ARL10: variants seen among roughly 807,000 people sequenced by gnomAD.
ARL10 encodes the protein ARF like GTPase 10, also known as ADP-ribosylation factor-like protein 10.
A neutral mutation model predicts 26.1 loss-of-function variants in ARL10; 23 were observed. The ratio of observed to expected loss-of-function variants is 0.88; its 90% CI spans 0.63 to 1.25. The LOEUF is 1.25. Ranked by LOEUF, ARL10 falls within the 50% of genes most tolerant of loss-of-function variation. ARL10 has a pLI of 0.00. For synonymous variants in ARL10, 138 were observed against 149.1 expected (o/e 0.93, Z 0.54); for missense variants, 300 against 323.6 (o/e 0.93, Z 0.56).
downstream of ARL10, chr5:176,392,694 G>T: frequency 6.6e-7 from 1 of 1,516,844 alleles, no homozygotes; most frequent in Non-Finnish European, 9.0e-7. This position sits in a 1 kb window ranked among gnomAD's most constrained non-coding sequence, Gnocchi z 5.2. Flanking sequence ...GCTGCTGCGA[G>T]TCTCCACCCC....
chr5:176,403,082 C>T (rs1321996496), downstream of ARL10, among the ~76,000 whole-genome samples: 1 of 149,636 alleles, frequency 6.7e-6, no homozygotes, highest in Non-Finnish European at 1.5e-5. Flanking sequence ...CGGAGTCTCG[C>T]TCTGTCGCCC....
chr5:176,383,931 AAATCAT>A, downstream of ARL10: 1 of 1,469,690 alleles, frequency 6.8e-7, no homozygotes, highest in South Asian at 1.4e-5. Flanking sequence ...GAAAAATACA[AAATCAT>A]CAGAGAAGTA....
rs1267249999 is a variant in ARL10 at position 176,379,186 on chromosome 5, G to C, written c.*7291G>C. 6.6e-6 allele frequency: 1 copy of C among 152,016 alleles called. No homozygotes were observed. The highest frequency in any genetic ancestry group is 6.6e-5 in the Admixed American group (1 of 15,256). The allele number at this position is 152,016 out of a possible 1,614,324, so 9.4% of individuals were successfully genotyped here. On this transcript the variant is annotated 3_prime_UTR_variant, in exon 4 of 4. Coordinates refer to ENST00000310389, the MANE Select transcript of ARL10 (RefSeq NM_173664.6). ...GTATGTATGTATGTATTTATTTTTT[G>C]AGATGGAGTTTTGCTCTTCTTGCCC...
chr5:176,384,227 C>G, downstream of ARL10: 1 of 1,614,214 alleles, frequency 6.2e-7, no homozygotes. Context: ...GTGATGTAAA[C>G]CAGTCACTCC....
chr5:176,399,024 A>G (rs1230084719), intron 1 of ARL10, among the ~76,000 whole-genome samples: 4 of 152,008 alleles, frequency 2.6e-5, no homozygotes, highest in African/African-American at 9.7e-5. Flanking sequence ...TTGTAGTTTT[A>G]GTAGAGACGG....
downstream of ARL10, chr5:176,392,719 C>T (rs1756311956): frequency 8.2e-6 from 13 of 1,592,776 alleles, no homozygotes; most frequent in South Asian, 1.3e-4. This position sits in a 1 kb window ranked among gnomAD's most constrained non-coding sequence, Gnocchi z 5.2. Flanking sequence ...AAAGCAGCTG[C>T]TCCTCCTGTG....
intron 3 of ARL10, among the ~76,000 whole-genome samples, chr5:176,370,181 T>C (rs1768489377): frequency 6.6e-6 from 1 of 152,192 alleles, no homozygotes; most frequent in African/African-American, 2.4e-5. Flanking sequence ...TCCCTCTAAA[T>C]ACCTCGTGAT....
chr5:176,370,388 G>T (rs1768495736), intron 3 of ARL10, among the ~76,000 whole-genome samples: 1 of 152,154 alleles, frequency 6.6e-6, no homozygotes, highest in Non-Finnish European at 1.5e-5. Context: ...AGGTGAAACT[G>T]CCAGAGTACA....
chr5:176,367,724 C>T (rs1768366477), intron 2 of ARL10, among the ~76,000 whole-genome samples: 1 of 152,270 alleles, frequency 6.6e-6, no homozygotes, highest in Non-Finnish European at 1.5e-5. Context: ...CTGGCTCCTT[C>T]TCATCATCCC....
intron 1 of ARL10, among the ~76,000 whole-genome samples, chr5:176,394,672 G>A (rs565814356): frequency 6.0e-4 from 91 of 152,238 alleles, no homozygotes; most frequent in South Asian, 2.7e-3. Context: ...AAAATTAGCC[G>A]GGCATGGTGG....
intron 1 of ARL10, among the ~76,000 whole-genome samples, chr5:176,399,425 C>T (rs917505924): frequency 6.6e-6 from 1 of 152,148 alleles, no homozygotes; most frequent in African/African-American, 2.4e-5. Context: ...ATTGCTTAAC[C>T]TTGCCTGACT....
Position 176,375,163 on chromosome 5 carries a change from TCCACCCACCCACCCAC to T in ARL10, c.*3272_*3287del, listed in dbSNP as rs1234967975. 4.4e-5 allele frequency: 2 copies of T among 45,976 alleles called. No individual in the cohort carries two copies. Among genetic ancestry groups the T allele is most frequent in the Admixed American group, 2.7e-4 (1 of 3,664 alleles). 2.8% of individuals were successfully genotyped at this position (45,976 alleles called of 1,614,324 possible). On this transcript the variant is annotated 3_prime_UTR_variant, in exon 4 of 4. Coordinates refer to ENST00000310389, the MANE Select transcript of ARL10 (RefSeq NM_173664.6). ...ACCCATCCACCCACCCACCCATCCA[TCCACCCACCCACCCAC>T]CCATCCACCCATCCATCCATCCATC...
In ARL10 at chr5:176,371,786, A is replaced by C. The variant is rs539619878; in HGVS notation, c.626A>C (p.Asn209Thr). 6.2e-7 allele frequency: 1 copy of C among 1,614,216 alleles called. No individual in the cohort carries two copies. Among genetic ancestry groups the C allele is most frequent in the Non-Finnish European group, 8.5e-7 (1 of 1,180,044 alleles). ...GAGCTGGGTCTACAGGCTATCGATAACCAGCGGGAGGTTTTCCTCTTGGCA... is the reference window on the plus strand; with the variant it reads ...GAGCTGGGTCTACAGGCTATCGATACCCAGCGGGAGGTTTTCCTCTTGGCA... ...QRELGLQAIDNQREVFLLAAS... is the reference protein window; with the variant it reads ...QRELGLQAIDTQREVFLLAAS... Residue 209 changes from asparagine (N) to threonine (T), a missense_variant, in exon 4 of 4, where the codon AAC (asparagine) becomes ACC (threonine). By Grantham distance (65) the Asn-to-Thr change is moderately conservative. Coordinates refer to ENST00000310389, the MANE Select transcript of ARL10 (RefSeq NM_173664.6).
In ARL10 at chr5:176,366,391, GGAGGAC is replaced by G. The variant is rs1435000488; in HGVS notation, c.201_206del (p.Asp67_Glu68del). Reference sequence around the variant, plus strand: ...CCGCTTCCCCGCAGCCCGAGGACGAGGAGGACGAGGAGCCGGCGCTGGAGGAGCTGG... The same window carrying G: ...CCGCTTCCCCGCAGCCCGAGGACGAGGAGGAGCCGGCGCTGGAGGAGCTGG... On this transcript the variant is annotated inframe_deletion, in exon 2 of 4. Coordinates refer to ENST00000310389, the MANE Select transcript of ARL10 (RefSeq NM_173664.6). 6.2e-7 allele frequency: 1 copy of G among 1,609,526 alleles called. No homozygotes were observed. The highest frequency in any genetic ancestry group is 1.7e-5 in the Admixed American group (1 of 59,836).
At chr5:176,400,561 G>A (rs1218067266) in intron 1 of ARL10, among the ~76,000 whole-genome samples, 1 of 152,136 alleles carries the variant, frequency 6.6e-6, no homozygotes, top group Non-Finnish European at 1.5e-5. Context: ...CTCTGGTCTG[G>A]CAAAGCCTTT....
chr5:176,377,543 T>C lies in ARL10; in HGVS notation c.*5648T>C, dbSNP rs1447342999. 3 of 152,222 alleles carry C rather than the reference T, an allele frequency of 2.0e-5. No individual in the cohort carries two copies. Among genetic ancestry groups the C allele is most frequent in the African/African-American group, 4.8e-5 (2 of 41,460 alleles). 9.4% of individuals were successfully genotyped at this position (152,222 alleles called of 1,614,324 possible). A position where few individuals can be genotyped will look rare whatever the true frequency, so the allele number is the denominator to read the frequency against. Reference sequence around the variant, plus strand: ...ATTACAAGAACATACTGATACTTAATTGAGGGTGGCAGTTGAATGAAGTCC... The same window carrying C: ...ATTACAAGAACATACTGATACTTAACTGAGGGTGGCAGTTGAATGAAGTCC... On this transcript the variant is annotated 3_prime_UTR_variant, in exon 4 of 4. Coordinates refer to ENST00000310389, the MANE Select transcript of ARL10 (RefSeq NM_173664.6). The surrounding 1 kb of genome is among the most constrained non-coding windows in gnomAD (Gnocchi z 4.5).
chr5:176,392,779 G>T, downstream of ARL10: 2 of 1,614,008 alleles, frequency 1.2e-6, no homozygotes, highest in Non-Finnish European at 1.7e-6. The surrounding 1 kb of genome is among the most constrained non-coding windows in gnomAD (Gnocchi z 5.2). Flanking sequence ...GGCACCTAGC[G>T]GGACAGTGGC....
At chr5:176,388,435 T>A (rs772408909) in exon 2 of ARL10, 1 of 1,614,024 alleles carries the variant, frequency 6.2e-7, no homozygotes. Flanking sequence ...CCCCTCACCA[T>A]TCGATCCGCG....
At chr5:176,398,007 T>C (rs754681028) in intron 1 of ARL10, 3 of 1,614,130 alleles carry the variant, frequency 1.9e-6, no homozygotes, top group Admixed American at 1.7e-5. Flanking sequence ...CCTGTCAGCC[T>C]GGGCAATGGC....
Sources: gnomAD v4.1 joint callset for allele counts (sites outside exome capture counted in the v4.1 genomes callset) on GRCh38, gnomAD v4.1.1 for gene constraint, Gnocchi (gnomAD v3.1) non-coding constraint, MANE v1.5 for transcripts, NCBI Gene and HGNC (gene_info 2026-07-23, HGNC 2026-07-21) for gene names.